Variants in STARD9 observed in about 807,000 individuals in gnomAD.
STARD9 encodes stAR-related lipid transfer protein 9.
STARD9 carries 346 observed loss-of-function variants against 399.8 expected under a neutral mutation model. The ratio of observed to expected loss-of-function variants is 0.87; its 90% confidence interval spans 0.79 to 0.95. The LOEUF (loss-of-function observed/expected upper bound fraction) is 0.95. Among genes scored for constraint, STARD9 ranks in the 40% least tolerant of loss-of-function variants. The pLI is 0.00. For missense variants in STARD9, 5,832 were observed against 5,667.5 expected, an observed-to-expected ratio of 1.03 and a Z score of -0.93; for synonymous variants, 2,203 against 2,143.5, an observed-to-expected ratio of 1.03 and a Z score of -0.77.
rs1199600057 is a variant in STARD9, at chr15:42,692,466, G to T, written c.10888G>T (p.Val3630Leu). The change falls in exon 23 of 33, where the codon GTG becomes TTG. Residue 3630 changes from valine to leucine, a missense_variant. Coordinates refer to ENST00000290607, the MANE Select transcript of STARD9 (RefSeq NM_020759.3). ...GTATCCATCAGAGGCAGGCTGCCCT[G>T]TGGGACAGACCAGGACGAACACATT... ...LLYPSEAGCP[V>L]GQTRTNTFEQ... 12 of 1,537,000 alleles carry T rather than the reference G, an allele frequency of 7.8e-6. No homozygotes were observed. In the Admixed American group the frequency reaches 1.6e-4, roughly 20 times the overall value.
Position 42,718,013 on chromosome 15 carries a change from C to CCG in STARD9, c.13596_13597insCG (p.Lys4533ArgfsTer50). 6.5e-7 allele frequency: 1 copy of CCG among 1,537,212 alleles called. No individual in the cohort carries two copies. Among genetic ancestry groups the CCG allele is most frequent in the South Asian group, 1.2e-5 (1 of 84,064 alleles). On this transcript the variant is annotated frameshift_variant, in exon 30 of 33. Coordinates refer to ENST00000290607, the MANE Select transcript of STARD9 (RefSeq NM_020759.3). LOFTEE classifies it high-confidence loss of function. ...AGGAGCAGGCGGTGCAGCTTTACTA[C>CCG]AAGGTGTTTTCTCCCACTCGGCATG...
intron 3 of STARD9, among the ~76,000 whole-genome samples, chr15:42,619,206 A>G (rs2059034155): frequency 6.6e-6 from 1 of 152,208 alleles, no homozygotes; most frequent in South Asian, 2.1e-4. Context: ...AATGATTTGA[A>G]CAACTCCAGG....
Position 42,687,956 on chromosome 15 carries a change from G to A in STARD9, c.6378G>A (p.Arg2126=), listed in dbSNP as rs770315375. The A allele has an allele frequency of 3.9e-6, 6 of 1,537,230 alleles. No individual in the cohort carries two copies. In the Admixed American group the frequency reaches 1.2e-4, roughly 30 times the overall value. ...GACAGACAGATGATACTGTCTTTAG[G>A]GATAGTGAAGCTGGAGCGATGGAGG... ...SPRQTDDTVF[R]DSEAGAMEVN... Residue 2126 remains arginine, a synonymous_variant, in exon 23 of 33, where the codon AGG becomes AGA. Coordinates refer to ENST00000290607, the MANE Select transcript of STARD9 (RefSeq NM_020759.3).
intron 1 of STARD9, chr15:42,581,522 G>A (rs1412242302): frequency 4.3e-6 from 6 of 1,406,090 alleles, no homozygotes; most frequent in African/African-American, 1.5e-5. Context: ...TTTGTGTGGC[G>A]GGTAGGCGGC....
chr15:42,582,323 G>GT (rs1426897741), intron 1 of STARD9, among the ~76,000 whole-genome samples: 1 of 152,214 alleles, frequency 6.6e-6, no homozygotes, highest in African/African-American at 2.4e-5. Flanking sequence ...ATTGTTTGTA[G>GT]TGGAGGATGT....
Position 42,688,832 on chromosome 15 carries a change from T to G in STARD9, c.7254T>G (p.Ser2418=). 6.5e-7 allele frequency: 1 copy of G among 1,537,298 alleles called. No homozygotes were observed. Among genetic ancestry groups the G allele is most frequent in the South Asian group, 1.2e-5 (1 of 84,060 alleles). Residue 2418 remains serine, a synonymous_variant, in exon 23 of 33, where the codon TCT becomes TCG. Coordinates refer to ENST00000290607, the MANE Select transcript of STARD9 (RefSeq NM_020759.3). ...CTGTGCGATCCATGGCCATGGGATC[T>G]CATAGTCAATCTGGTGTACCAGAGA... is the stretch of plus-strand genomic sequence containing the variant. ...CGSVRSMAMG[S]HSQSGVPESI...
At chr15:42,648,521 A>T (rs1265382980) in intron 7 of STARD9, among the ~76,000 whole-genome samples, 1 of 151,850 alleles carries the variant, frequency 6.6e-6, no homozygotes, top group East Asian at 1.9e-4. Flanking sequence ...ATTGATGGTT[A>T]TTTTCTTTTA....
intron 1 of STARD9, among the ~76,000 whole-genome samples, chr15:42,579,834 C>G (rs2058131254): frequency 6.6e-6 from 1 of 152,102 alleles, no homozygotes; most frequent in African/African-American, 2.4e-5. Flanking sequence ...ACTACTGAGA[C>G]TGGGTACTCA....
chr15:42,578,776 C>T (rs1218311528), intron 1 of STARD9, among the ~76,000 whole-genome samples: 1 of 152,134 alleles, frequency 6.6e-6, no homozygotes, highest in African/African-American at 2.4e-5. Flanking sequence ...CATTGGAGAT[C>T]CAGCTTATTC....
At chr15:42,649,210 A>G (rs1048694917) in intron 7 of STARD9, among the ~76,000 whole-genome samples, 5 of 151,940 alleles carry the variant, frequency 3.3e-5, no homozygotes, top group East Asian at 1.9e-4. Context: ...TTGTATTTTC[A>G]TGAGAGACGG....
chr15:42,580,926 A>T (rs2058155886), intron 1 of STARD9, among the ~76,000 whole-genome samples: 2 of 152,262 alleles, frequency 1.3e-5, no homozygotes, highest in South Asian at 4.1e-4. Flanking sequence ...GGGAAGGGGG[A>T]CAGGAGACAG....
chr15:42,630,660 T>C (rs558882087), intron 3 of STARD9, among the ~76,000 whole-genome samples: 1 of 152,268 alleles, frequency 6.6e-6, no homozygotes, highest in Admixed American at 6.5e-5. Flanking sequence ...TTTTGGTAGA[T>C]TGCATGTGTC....
chr15:42,690,183 C>T lies in STARD9; in HGVS notation c.8605C>T (p.Pro2869Ser), dbSNP rs11857283. 4.0e-4 allele frequency: 609 copies of T among 1,537,648 alleles called. 2 individuals carry two copies. The highest frequency in any genetic ancestry group is 5.0e-4 in the Non-Finnish European group (569 of 1,147,016). Residue 2869 changes from proline to serine, a missense_variant, in exon 23 of 33, where the codon CCC becomes TCC. Pro to Ser is a moderately conservative substitution (Grantham distance 74, BLOSUM62 -1). Coordinates refer to ENST00000290607, the MANE Select transcript of STARD9 (RefSeq NM_020759.3). ...GALTRVALEAPTQQCVQCKES... is the reference protein window; with the variant it reads ...GALTRVALEASTQQCVQCKES... ...TCTGACAAGGGTTGCACTGGAAGCTCCCACACAGCAGTGTGTGCAGTGTAA... is the reference window on the plus strand; with the variant it reads ...TCTGACAAGGGTTGCACTGGAAGCTTCCACACAGCAGTGTGTGCAGTGTAA...
At position 42,630,851 on chromosome 15, in the gene STARD9, T is replaced by G. The variant is rs574639690; in HGVS notation, c.235-4005T>G. Among the ~76,000 whole-genome samples the G allele has an allele frequency of 7.7e-4, 117 of 152,218 alleles. 1 individual carries two copies. The highest frequency in any genetic ancestry group is 3.1e-3 in the Admixed American group (47 of 15,282). ...TGTCTAAAGGCTTATCGATTTTATCTTTTCAAAATACCAACTTTTCATTTT... is the reference window on the plus strand; with the variant it reads ...TGTCTAAAGGCTTATCGATTTTATCGTTTCAAAATACCAACTTTTCATTTT... On this transcript the variant is annotated intron_variant, in intron 3 of 32. Coordinates refer to ENST00000290607, the MANE Select transcript of STARD9 (RefSeq NM_020759.3).
intron 26 of STARD9, among the ~76,000 whole-genome samples, chr15:42,709,417 T>G (rs1006746425): frequency 6.6e-6 from 1 of 152,156 alleles, no homozygotes. Context: ...CTGGGCAAGG[T>G]GGCTCACGCC....
Position 42,691,494 on chromosome 15 carries a change from C to T in STARD9, c.9916C>T (p.Leu3306Phe). ...GCCAGCACCCAACCACAGGGGCTCA[C>T]TTCCTGTGACTACAATCTTCTCTGG... Reference protein sequence around the residue: ...EQPAPNHRGSLPVTTIFSGPK... With the variant: ...EQPAPNHRGSFPVTTIFSGPK... Residue 3306 changes from leucine to phenylalanine, a missense_variant, in exon 23 of 33, where the codon CTT (leucine) becomes TTT (phenylalanine). Coordinates refer to ENST00000290607, the MANE Select transcript of STARD9 (RefSeq NM_020759.3). 2.0e-6 allele frequency: 3 copies of T among 1,537,252 alleles called. No individual in the cohort carries two copies. Among genetic ancestry groups the T allele is most frequent in the Non-Finnish European group, 1.7e-6 (2 of 1,146,900 alleles).
At chr15:42,664,034 C>T in intron 13 of STARD9, 117 bp downstream of exon 13, 1 of 677,150 alleles carries the variant, frequency 1.5e-6, no homozygotes. Flanking sequence ...ACTTGTCCTC[C>T]AGATGATGAG....
At position 42,610,609 on chromosome 15, in the gene STARD9, C is replaced by T. The variant is rs548431781; in HGVS notation, c.235-24247C>T. Among the ~76,000 whole-genome samples the T allele has an allele frequency of 6.1e-4, 93 of 152,222 alleles. 1 individual carries two copies. The highest frequency in any genetic ancestry group is 3.7e-3 in the South Asian group (18 of 4,818). ...TGTCGCCCAGGCTGGAGTGCAGTGG[C>T]GCAATCTTGGCTCACTGCAACCTCC... On this transcript the variant is annotated intron_variant, in intron 3 of 32. Coordinates refer to ENST00000290607, the MANE Select transcript of STARD9 (RefSeq NM_020759.3).
intron 25 of STARD9, 128 bp from the exon 26 acceptor site, chr15:42,695,615 G>A: frequency 2.7e-6 from 3 of 1,096,534 alleles, no homozygotes; most frequent in South Asian, 1.6e-5. Context: ...AGTCAGGGAG[G>A]CCCTGGGAGG....
Sources: gnomAD v4.1 joint callset for allele counts (sites outside exome capture counted in the v4.1 genomes callset) on GRCh38, gnomAD v4.1.1 for gene constraint, MANE v1.5 for transcripts, NCBI Gene and HGNC (gene_info 2026-07-23, HGNC 2026-07-21) for gene names.